Variants in KIF26B observed in about 807,000 individuals in gnomAD.
The protein encoded by KIF26B is kinesin family member 26B, also known as kinesin-like protein KIF26B.
In KIF26B, 63 loss-of-function variants were observed where a neutral mutation model predicts 151.2. That is an observed-to-expected ratio of 0.42 (90% CI 0.34 to 0.51). KIF26B has a LOEUF of 0.51. KIF26B is among the 20% of genes least tolerant of loss of function. KIF26B has a pLI of 0.07. For synonymous variants in KIF26B, 1,357 were observed against 1,262.1 expected (o/e 1.08, Z -1.59); for missense variants, 2,813 against 2,913.6 (o/e 0.97, Z 0.79).
At chr1:245,320,629 G>C (rs901656408) in intron 2 of KIF26B, among the ~76,000 whole-genome samples, 1 of 152,154 alleles carries the variant, frequency 6.6e-6, no homozygotes, top group Non-Finnish European at 1.5e-5. Context: ...ACTTAGTGCA[G>C]TGGCGGTCAA....
At chr1:245,392,204 G>A (rs1673718725) in intron 3 of KIF26B, among the ~76,000 whole-genome samples, 1 of 152,126 alleles carries the variant, frequency 6.6e-6, no homozygotes, top group African/African-American at 2.4e-5. Context: ...AACATGAAGG[G>A]GTAGTTCTCT....
chr1:245,280,291 A>C (rs1401129660), intron 2 of KIF26B, among the ~76,000 whole-genome samples: 1 of 151,240 alleles, frequency 6.6e-6, no homozygotes, highest in African/African-American at 2.4e-5. Context: ...AGACGGGTGG[A>C]TCATGAGGTC....
At chr1:245,501,831 C>T (rs566304887) in intron 4 of KIF26B, among the ~76,000 whole-genome samples, 20 of 152,304 alleles carry the variant, frequency 1.3e-4, no homozygotes, top group South Asian at 6.2e-4. Flanking sequence ...GCTGCACTTC[C>T]GTCTTTAGAA....
At chr1:245,609,047 G>C (rs1158141802) in intron 7 of KIF26B, among the ~76,000 whole-genome samples, 1 of 152,202 alleles carries the variant, frequency 6.6e-6, no homozygotes, top group Non-Finnish European at 1.5e-5. Flanking sequence ...GAGCCACTGA[G>C]CCCAACCAGC....
intron 4 of KIF26B, among the ~76,000 whole-genome samples, chr1:245,518,563 C>T (rs1429785913): frequency 1.3e-5 from 2 of 152,186 alleles, no homozygotes; most frequent in Non-Finnish European, 1.5e-5. Context: ...GGATTTTATA[C>T]CGTGTTTTAG....
In KIF26B at chr1:245,221,915, A is replaced by C. The variant is rs75963509; in HGVS notation, c.465+65232A>C. ...TGTTCTATGGATAATGGATATGGAT[A>C]ATGTGAATTGGAATTTATATCCGTG... On this transcript the variant is annotated intron_variant, in intron 2 of 14. Transcript: ENST00000407071. 4.3e-3 allele frequency among the ~76,000 whole-genome samples: 659 copies of C among 152,336 alleles called. 10 individuals carry two copies. In the East Asian group the frequency reaches 0.048, roughly 11 times the overall value.
chr1:245,652,727 A>G (rs1221112811), intron 10 of KIF26B, among the ~76,000 whole-genome samples: 3 of 152,046 alleles, frequency 2.0e-5, no homozygotes, highest in African/African-American at 7.2e-5. Flanking sequence ...TGAACTCTAC[A>G]CCTCGTCCTT....
At chr1:245,646,618 G>A (rs957809111) in intron 10 of KIF26B, among the ~76,000 whole-genome samples, 1 of 152,130 alleles carries the variant, frequency 6.6e-6, no homozygotes, top group Non-Finnish European at 1.5e-5. Flanking sequence ...TGAGAGTGAG[G>A]GGTGGAAGAC....
chr1:245,476,860 A>G (rs1660052819), intron 4 of KIF26B, among the ~76,000 whole-genome samples: 2 of 151,822 alleles, frequency 1.3e-5, no homozygotes, highest in South Asian at 4.2e-4. Flanking sequence ...AGAAGTAAAT[A>G]AACAGCCAGG....
chr1:245,240,526 A>T (rs1389082018), intron 2 of KIF26B, among the ~76,000 whole-genome samples: 2 of 152,234 alleles, frequency 1.3e-5, no homozygotes, highest in Non-Finnish European at 2.9e-5. Flanking sequence ...TGTGTATAGA[A>T]TGTGGAGAAA....
At chr1:245,231,377 G>A (rs536852797) in intron 2 of KIF26B, among the ~76,000 whole-genome samples, 3 of 152,072 alleles carry the variant, frequency 2.0e-5, no homozygotes, top group South Asian at 2.1e-4. Flanking sequence ...TTAGCCGGGC[G>A]TGGTGGCAGG....
intron 9 of KIF26B, among the ~76,000 whole-genome samples, chr1:245,640,961 A>G (rs756495007): frequency 1.4e-4 from 21 of 152,192 alleles, no homozygotes; most frequent in Non-Finnish European, 2.5e-4. Flanking sequence ...TGATTACAAT[A>G]TAACAATCAC....
intron 12 of KIF26B, among the ~76,000 whole-genome samples, chr1:245,691,225 G>C (rs1368644080): frequency 6.6e-6 from 1 of 151,538 alleles, no homozygotes; most frequent in Admixed American, 6.5e-5. Context: ...AACAATGATG[G>C]AAAAACAAAC....
At chr1:245,178,555 G>A (rs1243432891) in intron 2 of KIF26B, among the ~76,000 whole-genome samples, 1 of 151,986 alleles carries the variant, frequency 6.6e-6, no homozygotes, top group African/African-American at 2.4e-5. Flanking sequence ...ATCATTGCAC[G>A]GCCATCGCCA....
chr1:245,439,355 A>AAAAAAG (rs1553274578), intron 4 of KIF26B, among the ~76,000 whole-genome samples: 1 of 126,226 alleles, frequency 7.9e-6, no homozygotes, highest in African/African-American at 3.0e-5. Flanking sequence ...TCAAAAAAAA[A>AAAAAAG]AAAAAAAAGA....
Position 245,479,316 on chromosome 1 carries a change from C to T in KIF26B, c.1166+59571C>T, listed in dbSNP as rs900311116. ...TCCTGTTATCACTAAAAACAGACATCGCAGATAAGCTTCTCCAGAAATACA... is the reference window on the plus strand; with the variant it reads ...TCCTGTTATCACTAAAAACAGACATTGCAGATAAGCTTCTCCAGAAATACA... On this transcript the variant is annotated intron_variant, in intron 4 of 14. Coordinates refer to ENST00000407071, the MANE Select transcript of KIF26B (RefSeq NM_018012.4). 7.2e-5 allele frequency among the ~76,000 whole-genome samples: 11 copies of T among 151,838 alleles called. 1 individual carries two copies. Among genetic ancestry groups the T allele is most frequent in the Non-Finnish European group, 1.6e-4 (11 of 67,850 alleles).
At chr1:245,186,024 G>C (rs552189587) in intron 2 of KIF26B, among the ~76,000 whole-genome samples, 1 of 151,964 alleles carries the variant, frequency 6.6e-6, no homozygotes, top group Non-Finnish European at 1.5e-5. Context: ...ACAGGTGCCC[G>C]CCACCACGTC....
chr1:245,252,614 A>G (rs933390596), intron 2 of KIF26B, among the ~76,000 whole-genome samples: 46 of 150,708 alleles, frequency 3.1e-4, no homozygotes. Flanking sequence ...GTAGATTATC[A>G]TGTCTGCAAT....
chr1:245,640,143 C>CTATATATATATATATATATATATA, intron 9 of KIF26B, among the ~76,000 whole-genome samples: 1 of 31,918 alleles, frequency 3.1e-5, no homozygotes, highest in African/African-American at 1.4e-4. Flanking sequence ...CTCTCTCTCT[C>CTATATATATATATATATATATATA]TATATATATA....
Sources: allele counts gnomAD v4.1 joint callset (sites outside exome capture counted in the v4.1 genomes callset), GRCh38; gene constraint gnomAD v4.1.1; transcripts MANE v1.5; gene names NCBI Gene and HGNC (gene_info 2026-07-23, HGNC 2026-07-21).